The following C16orf90 variants were observed in gnomAD, a reference collection of about 807,000 sequenced individuals.
The protein encoded by C16orf90 is chromosome 16 open reading frame 90, also known as uncharacterized protein C16orf90.
C16orf90 carries 17 observed loss-of-function variants against 17.1 expected under a neutral mutation model. That is an observed-to-expected ratio of 1.00 (90% CI 0.68 to 1.49). The LOEUF (loss-of-function observed/expected upper bound fraction) is 1.49. Ranked by LOEUF, C16orf90 falls within the 40% of genes most tolerant of loss-of-function variation. The pLI is 0.00. For missense variants in C16orf90, 255 were observed against 235.5 expected, an observed-to-expected ratio of 1.08 and a Z score of -0.54; for synonymous variants, 108 against 95.8, an observed-to-expected ratio of 1.13 and a Z score of -0.75.
chr16:3,494,581 T>A lies in C16orf90; in HGVS notation c.343A>T (p.Ser115Cys). The A allele has an allele frequency of 6.2e-7, 1 of 1,612,860 alleles. No individual in the cohort carries two copies. The highest frequency in any genetic ancestry group is 8.5e-7 in the Non-Finnish European group (1 of 1,179,868). Residue 115 changes from serine to cysteine, a missense_variant, in exon 2 of 3, where the codon AGC becomes TGC. Physicochemically the swap from Ser to Cys is moderately radical, Grantham distance 112. Coordinates refer to ENST00000437192, the MANE Select transcript of C16orf90 (RefSeq NM_001080524.2). Reference sequence around the variant, plus strand: ...GCTTCCAGAAGGGCTGAACAGAGGCTGTTACGTGGGCCCAGAGTCCCCTGT... The same window carrying A: ...GCTTCCAGAAGGGCTGAACAGAGGCAGTTACGTGGGCCCAGAGTCCCCTGT... ...LPQGTLGPRN[S>C]LCSALLEARL...
Position 3,494,872 on chromosome 16 carries a change from C to G in C16orf90, c.52G>C (p.Val18Leu). The change falls in exon 2 of 3, where the codon GTG becomes CTG. Residue 18 changes from valine (V) to leucine (L), a missense_variant. Val to Leu is a conservative substitution (Grantham distance 32, BLOSUM62 1). Coordinates refer to ENST00000437192, the MANE Select transcript of C16orf90 (RefSeq NM_001080524.2). Reference protein sequence around the residue: ...FSELHIREDAVSQAQGRPGHP... With the variant: ...FSELHIREDALSQAQGRPGHP... ...CCGGGGCGTCCTTGGGCCTGGCTCA[C>G]TGCATCTGCAGAGGAGACAGCGGGA... 6.6e-7 allele frequency: 1 copy of G among 1,516,718 alleles called. No individual in the cohort carries two copies. The highest frequency in any genetic ancestry group is 8.8e-7 in the Non-Finnish European group (1 of 1,138,962). The allele number at this position is 1,516,718 out of a possible 1,614,324, so 94.0% of individuals were successfully genotyped here. A position where few individuals can be genotyped will look rare whatever the true frequency, so the allele number is the denominator to read the frequency against.
upstream of C16orf90, chr16:3,496,454 G>C: frequency 5.2e-6 from 5 of 955,068 alleles, no homozygotes; most frequent in Non-Finnish European, 8.0e-6. Context: ...CGTGGTTGTG[G>C]GGACGCTTAA....
At chr16:3,494,467 G>A in intron 2 of C16orf90, 57 bp downstream of exon 2, 3 of 1,473,478 alleles carry the variant, frequency 2.0e-6, no homozygotes, top group African/African-American at 2.8e-5. Context: ...TGAGGCCCCA[G>A]CCCAACCATC....
upstream of C16orf90, among the ~76,000 whole-genome samples, chr16:3,495,947 T>C (rs1287607787): frequency 6.6e-6 from 1 of 152,116 alleles, no homozygotes; most frequent in Non-Finnish European, 1.5e-5. Context: ...GAGACCATCC[T>C]GGCTAACACG....
In C16orf90 at chr16:3,494,600, C is replaced by T; in HGVS notation, c.324G>A (p.Gly108=). ...AGAGGCTGTTACGTGGGCCCAGAGT[C>T]CCCTGTGGCAGGTCCAGGGCCCAGG... is the stretch of plus-strand genomic sequence containing the variant. ...GTAWALDLPQ[G]TLGPRNSLCS... is the part of the protein sequence containing the mutation. Residue 108 remains glycine (G), a synonymous_variant, in exon 2 of 3, where the codon GGG becomes GGA. Coordinates refer to ENST00000437192, the MANE Select transcript of C16orf90 (RefSeq NM_001080524.2). 1 of 1,612,868 alleles carries T rather than the reference C, an allele frequency of 6.2e-7. No homozygotes were observed. Among genetic ancestry groups the T allele is most frequent in the Non-Finnish European group, 8.5e-7 (1 of 1,179,874 alleles).
In C16orf90 at chr16:3,493,924, C is replaced by T; in HGVS notation, c.464G>A (p.Arg155Lys). The T allele has an allele frequency of 6.2e-7, 1 of 1,610,166 alleles. No individual in the cohort carries two copies. Among genetic ancestry groups the T allele is most frequent in the African/African-American group, 1.3e-5 (1 of 74,992 alleles). Residue 155 changes from arginine (R) to lysine (K), a missense_variant, in exon 3 of 3, where the codon AGG becomes AAG. By Grantham distance (26) the Arg-to-Lys change is conservative. Transcript: ENST00000437192. ...CCAGGTCCCCCAGGACCTCTTGGGC[C>T]TGAGCCTAGAAGGACTAGGCTGGGG... ...ALPQPSPSRL[R>K]PKRSWGTWEE...
At chr16:3,495,584 C>T (rs1481746204), upstream of C16orf90, 15 of 1,430,632 alleles carry the variant, frequency 1.0e-5, no homozygotes, top group East Asian at 2.8e-4. Flanking sequence ...TGGGAGAGGA[C>T]AGTGCCCAAG....
chr16:3,495,950 C>T (rs2037302814), upstream of C16orf90, among the ~76,000 whole-genome samples: 1 of 152,054 alleles, frequency 6.6e-6, no homozygotes, highest in African/African-American at 2.4e-5. Context: ...ACCATCCTGG[C>T]TAACACGGTG....
rs61732403 is a variant in C16orf90, at chr16:3,494,852, G to A, written c.72C>T (p.Arg24=). The change falls in exon 2 of 3, where the codon CGC becomes CGT. Residue 24 remains arginine, a synonymous_variant. Coordinates refer to ENST00000437192, the MANE Select transcript of C16orf90 (RefSeq NM_001080524.2). ...REDAVSQAQG[R]PGHPDAPPNI... ...TGGGGGGTGCGTCAGGGTGGCCGGG[G>A]CGTCCTTGGGCCTGGCTCACTGCAT... 8.2e-4 allele frequency: 1,257 copies of A among 1,526,920 alleles called. 6 individuals carry two copies. In the African/African-American group the frequency reaches 0.015, roughly 19 times the overall value. The allele number at this position is 1,526,920 out of a possible 1,614,324, so 94.6% of individuals were successfully genotyped here.
chr16:3,493,716 G>A lies in C16orf90; in HGVS notation c.*123C>T, dbSNP rs944423523. 66 of 861,786 alleles carry A rather than the reference G, an allele frequency of 7.7e-5. No homozygotes were observed. The highest frequency in any genetic ancestry group is 1.1e-4 in the Admixed American group (4 of 35,514). 53.4% of individuals were successfully genotyped at this position (861,786 alleles called of 1,614,324 possible). ...ATTCTCCCGAGGCCCAGGCCTGGGC[G>A]CTGGGCCGCTGCCTGGGCCACCCCA... On this transcript the variant is annotated 3_prime_UTR_variant, in exon 3 of 3. Transcript: ENST00000437192.
chr16:3,496,391 G>A (rs879045136), upstream of C16orf90: 2 of 1,133,340 alleles, frequency 1.8e-6, no homozygotes. Context: ...ACCTCTGTCC[G>A]TTTCCCGGAT....
chr16:3,494,848 C>G lies in C16orf90; in HGVS notation c.76G>C (p.Gly26Arg), dbSNP rs372652628. 2.0e-6 allele frequency: 3 copies of G among 1,530,778 alleles called. No individual in the cohort carries two copies. Among genetic ancestry groups the G allele is most frequent in the African/African-American group, 1.4e-5 (1 of 72,050 alleles). The allele number at this position is 1,530,778 out of a possible 1,614,324, so 94.8% of individuals were successfully genotyped here. A position where few individuals can be genotyped will look rare whatever the true frequency, so the allele number is the denominator to read the frequency against. ...ATGTTGGGGGGTGCGTCAGGGTGGC[C>G]GGGGCGTCCTTGGGCCTGGCTCACT... Reference protein sequence around the residue: ...DAVSQAQGRPGHPDAPPNIYE... With the variant: ...DAVSQAQGRPRHPDAPPNIYE... Residue 26 changes from glycine (G) to arginine (R), a missense_variant, in exon 2 of 3, where the codon GGC becomes CGC. Gly to Arg is a moderately radical substitution (Grantham distance 125). Transcript: ENST00000437192.
In C16orf90 at chr16:3,495,388, GCAGCTCAGAAAATGC is replaced by G; in HGVS notation, c.19_33del (p.Ala7_Leu11del). On this transcript the variant is annotated inframe_deletion, in exon 1 of 3. Transcript: ENST00000437192. ...CACAGCCCGGCACCTTCTCTTATGT[GCAGCTCAGAAAATGC>G]ACAGACCAAGGCTTCCATGGAGGGC... is the stretch of plus-strand genomic sequence containing the variant. 2 of 1,609,142 alleles carry G rather than the reference GCAGCTCAGAAAATGC, an allele frequency of 1.2e-6. No homozygotes were observed. Among genetic ancestry groups the G allele is most frequent in the African/African-American group, 2.7e-5 (2 of 75,000 alleles).
Position 3,494,636 on chromosome 16 carries a change from AG to A in C16orf90, c.287del (p.Pro96LeufsTer165). On this transcript the variant is annotated frameshift_variant, in exon 2 of 3. Coordinates refer to ENST00000437192, the MANE Select transcript of C16orf90 (RefSeq NM_001080524.2). LOFTEE classifies it high-confidence loss of function. ...GGTCCAGGGCCCAGGCTGTGCCCTC[AG>A]GCTGTGGCAGGCAGCCCCCAGCCAT... ...RLMAGGCLPQ[P>X]EGTAWALDLP... The A allele has an allele frequency of 6.2e-7, 1 of 1,610,704 alleles. No individual in the cohort carries two copies. Among genetic ancestry groups the A allele is most frequent in the Non-Finnish European group, 8.5e-7 (1 of 1,179,492 alleles).
chr16:3,494,550 A>T lies in C16orf90; in HGVS notation c.374T>A (p.Leu125Ter). ...ACTGCTTCCCAGGCTGTCCCTGGGC[A>T]ATCGGGCTTCCAGAAGGGCTGAACA... is the stretch of plus-strand genomic sequence containing the variant. ...SLCSALLEARLPRDSLGSSAS... is the reference protein window; with the variant it reads ...SLCSALLEAR Residue 125 changes from leucine to a stop codon, truncating the protein, a stop_gained, in exon 2 of 3, where the codon TTG becomes TAG. Coordinates refer to ENST00000437192, the MANE Select transcript of C16orf90 (RefSeq NM_001080524.2). LOFTEE classifies it high-confidence loss of function. The T allele has an allele frequency of 4.3e-6, 7 of 1,612,862 alleles. No homozygotes were observed. The highest frequency in any genetic ancestry group is 5.1e-6 in the Non-Finnish European group (6 of 1,179,842).
rs763591094 is a variant in C16orf90 at position 3,494,553 on chromosome 16, C to T, written c.371G>A (p.Arg124Gln). The T allele has an allele frequency of 5.6e-6, 9 of 1,612,870 alleles. No homozygotes were observed. In the Admixed American group the frequency reaches 6.7e-5, roughly 12 times the overall value. The change falls in exon 2 of 3, where the codon CGA becomes CAA. Residue 124 changes from arginine to glutamine, a missense_variant. Coordinates refer to ENST00000437192, the MANE Select transcript of C16orf90 (RefSeq NM_001080524.2). ...NSLCSALLEA[R>Q]LPRDSLGSSA... ...GCTTCCCAGGCTGTCCCTGGGCAAT[C>T]GGGCTTCCAGAAGGGCTGAACAGAG...
chr16:3,493,719 G>C lies in C16orf90; in HGVS notation c.*120C>G. 3.2e-6 allele frequency: 3 copies of C among 938,034 alleles called. No individual in the cohort carries two copies. 58.1% of individuals were successfully genotyped at this position (938,034 alleles called of 1,614,324 possible). ...CTCCCGAGGCCCAGGCCTGGGCGCT[G>C]GGCCGCTGCCTGGGCCACCCCATGT... On this transcript the variant is annotated 3_prime_UTR_variant, in exon 3 of 3. Coordinates refer to ENST00000437192, the MANE Select transcript of C16orf90 (RefSeq NM_001080524.2).
intron 1 of C16orf90, among the ~76,000 whole-genome samples, chr16:3,495,129 TTCA>T (rs1349356385): frequency 1.3e-5 from 2 of 152,176 alleles, no homozygotes; most frequent in African/African-American, 4.8e-5. Flanking sequence ...TAAGAGTGCT[TTCA>T]GGACCTCAAG....
rs1169442409 is a variant in C16orf90 at position 3,493,723 on chromosome 16, C to G, written c.*116G>C. The G allele has an allele frequency of 3.9e-6, 4 of 1,021,356 alleles. No individual in the cohort carries two copies. Among genetic ancestry groups the G allele is most frequent in the Non-Finnish European group, 5.6e-6 (4 of 718,100 alleles). The allele number at this position is 1,021,356 out of a possible 1,614,324, so 63.3% of individuals were successfully genotyped here. ...CGAGGCCCAGGCCTGGGCGCTGGGC[C>G]GCTGCCTGGGCCACCCCATGTGGCA... On this transcript the variant is annotated 3_prime_UTR_variant, in exon 3 of 3. Coordinates refer to ENST00000437192, the MANE Select transcript of C16orf90 (RefSeq NM_001080524.2).
Sources: gnomAD v4.1 joint callset for allele counts (sites outside exome capture counted in the v4.1 genomes callset) on GRCh38, gnomAD v4.1.1 for gene constraint, MANE v1.5 for transcripts, NCBI Gene and HGNC (gene_info 2026-07-23, HGNC 2026-07-21) for gene names.